The following IPCEF1 variants were observed in gnomAD, a reference collection of about 807,000 sequenced individuals.
IPCEF1 encodes the protein interactor protein for cytohesin exchange factors 1.
In IPCEF1, 31 loss-of-function variants were observed where a neutral mutation model predicts 50.9. That is an observed-to-expected ratio of 0.61 (90% CI 0.46 to 0.82). The LOEUF is 0.82. Among genes scored for constraint, IPCEF1 ranks in the 40% least tolerant of loss-of-function variants. IPCEF1 has a pLI of 0.00. For synonymous variants in IPCEF1, 181 were observed against 192.0 expected (o/e 0.94, Z 0.47); for missense variants, 458 against 514.0 (o/e 0.89, Z 1.05).
chr6:154,305,898 T>A (rs750569615), intron 1 of IPCEF1, among the ~76,000 whole-genome samples: 8 of 152,226 alleles, frequency 5.3e-5, no homozygotes, highest in Non-Finnish European at 1.2e-4. Context: ...TACCAAGGGC[T>A]CTTGGGCCTT....
intron 1 of IPCEF1, among the ~76,000 whole-genome samples, chr6:154,331,370 GGAAAGAAA>G (rs1554225596): frequency 0.012 from 1,338 of 111,988 alleles, 20 homozygotes; most frequent in African/African-American, 0.039. Flanking sequence ...AAGAAAGAAA[GGAAAGAAA>G]GAAAGAAAGA....
intron 3 of IPCEF1, among the ~76,000 whole-genome samples, chr6:154,259,356 G>T (rs1483647744): frequency 6.6e-6 from 1 of 152,122 alleles, no homozygotes; most frequent in Admixed American, 6.5e-5. Context: ...TGGAATCAAA[G>T]AAATATGAAA....
chr6:154,275,032 C>T (rs73569088), intron 2 of IPCEF1, among the ~76,000 whole-genome samples: 3,805 of 152,228 alleles, frequency 0.025, 137 homozygotes, highest in African/African-American at 0.086. Flanking sequence ...TGCATATTTT[C>T]ACCTACCCCT....
chr6:154,339,605 T>TTGTTTGTC (rs916739309), intron 1 of IPCEF1, among the ~76,000 whole-genome samples: 2 of 151,318 alleles, frequency 1.3e-5, no homozygotes, highest in African/African-American at 4.9e-5. Context: ...GTTTGTTTGT[T>TTGTTTGTC]TTTTGAGAGG....
At chr6:154,340,176 A>G (rs1302950308) in intron 1 of IPCEF1, among the ~76,000 whole-genome samples, 15 of 152,178 alleles carry the variant, frequency 9.9e-5, no homozygotes, top group Admixed American at 7.2e-4. Context: ...ACACAGCCTT[A>G]GGAAGTCTTG....
chr6:154,353,571 G>A (rs1350845431), intron 1 of IPCEF1, among the ~76,000 whole-genome samples: 1 of 152,166 alleles, frequency 6.6e-6, no homozygotes, highest in African/African-American at 2.4e-5. Flanking sequence ...ACAGGCATGA[G>A]AGCCACCGCA....
chr6:154,292,921 T>C (rs1377171452), intron 1 of IPCEF1, among the ~76,000 whole-genome samples: 1 of 152,226 alleles, frequency 6.6e-6, no homozygotes, highest in East Asian at 1.9e-4. Flanking sequence ...ATACCAGCTC[T>C]TTCTTTCTCC....
intron 1 of IPCEF1, among the ~76,000 whole-genome samples, chr6:154,313,328 T>A (rs940510164): frequency 1.3e-5 from 2 of 150,780 alleles, no homozygotes; most frequent in African/African-American, 2.4e-5. Context: ...TGAGCTGAGA[T>A]CGCGCCACTC....
intron 10 of IPCEF1, among the ~76,000 whole-genome samples, chr6:154,180,412 A>T (rs13196909): frequency 0.28 from 14,254 of 50,460 alleles, 829 homozygotes; most frequent in East Asian, 0.44. Flanking sequence ...ATATATATAT[A>T]TATTTTTTTT....
intron 10 of IPCEF1, among the ~76,000 whole-genome samples, chr6:154,197,446 C>T (rs1776705005): frequency 6.6e-6 from 1 of 152,142 alleles, no homozygotes; most frequent in Non-Finnish European, 1.5e-5. Flanking sequence ...AATTCTGTAG[C>T]ATATGAGAAC....
rs1554298352 is a variant in IPCEF1, at chr6:154,244,301, G to GTGTGT, written c.246+2289_246+2290insACACA. Among the ~76,000 whole-genome samples the GTGTGT allele has an allele frequency of 1.4e-4, 21 of 148,058 alleles. 1 individual carries two copies. Among genetic ancestry groups the GTGTGT allele is most frequent in the Admixed American group, 4.0e-4 (6 of 14,848 alleles). ...TTAAGATTCGGTGTGTGTGTGGGTG[G>GTGTGT]GTGTGTGTGTGTGTGTGTGTGTGTG... On this transcript the variant is annotated intron_variant, in intron 5 of 11. Coordinates refer to ENST00000367220, the MANE Select transcript of IPCEF1 (RefSeq NM_001130700.2).
chr6:154,184,616 A>G (rs1801177456), intron 10 of IPCEF1, among the ~76,000 whole-genome samples: 1 of 152,198 alleles, frequency 6.6e-6, no homozygotes, highest in Non-Finnish European at 1.5e-5. Flanking sequence ...CAAGATCCAG[A>G]ACACAAAAAT....
intron 3 of IPCEF1, among the ~76,000 whole-genome samples, chr6:154,251,461 C>T (rs949111454): frequency 6.6e-6 from 1 of 152,104 alleles, no homozygotes; most frequent in African/African-American, 2.4e-5. Context: ...ATGTGCCAGG[C>T]GCTGCTCTGA....
chr6:154,346,280 T>G (rs940809971), intron 1 of IPCEF1, among the ~76,000 whole-genome samples: 1 of 152,214 alleles, frequency 6.6e-6, no homozygotes, highest in Non-Finnish European at 1.5e-5. Flanking sequence ...TCTCCTTGCT[T>G]ATCTGTATCA....
chr6:154,332,025 C>A (rs1357983381), intron 1 of IPCEF1, among the ~76,000 whole-genome samples: 1 of 152,084 alleles, frequency 6.6e-6, no homozygotes, highest in Non-Finnish European at 1.5e-5. Flanking sequence ...CTAAAACTTG[C>A]CTCAGTCTCT....
intron 5 of IPCEF1, among the ~76,000 whole-genome samples, chr6:154,235,547 A>AAAAAAAT (rs1562558352): frequency 6.7e-6 from 1 of 149,820 alleles, no homozygotes; most frequent in African/African-American, 2.4e-5. Flanking sequence ...AAAAAAAAAA[A>AAAAAAAT]AAAAGTAATG....
At chr6:154,267,337 T>A (rs1379585364) in intron 2 of IPCEF1, among the ~76,000 whole-genome samples, 2 of 151,616 alleles carry the variant, frequency 1.3e-5, no homozygotes, top group African/African-American at 2.4e-5. Context: ...ATCTCATTAG[T>A]AATAAAATAA....
intron 8 of IPCEF1, 80 bp from the exon 9 acceptor site, chr6:154,212,935 A>C: frequency 1.0e-5 from 10 of 952,684 alleles, no homozygotes; most frequent in Non-Finnish European, 1.7e-5. Flanking sequence ...GTTTATCTCC[A>C]TCTGGCTATT....
At chr6:154,348,812 G>C (rs1784076254) in intron 1 of IPCEF1, among the ~76,000 whole-genome samples, 1 of 152,172 alleles carries the variant, frequency 6.6e-6, no homozygotes, top group African/African-American at 2.4e-5. Context: ...TAATCTATTA[G>C]AATAGTAGAA....
Sources: gnomAD v4.1 joint callset for allele counts (sites outside exome capture counted in the v4.1 genomes callset) on GRCh38, gnomAD v4.1.1 for gene constraint, MANE v1.5 for transcripts, NCBI Gene and HGNC (gene_info 2026-07-23, HGNC 2026-07-21) for gene names.